DLGAP1: variants seen among roughly 807,000 people sequenced by gnomAD.
DLGAP1 encodes disks large-associated protein 1.
DLGAP1 carries 11 observed loss-of-function variants against 90.8 expected under a neutral mutation model. The ratio of observed to expected loss-of-function variants is 0.12; its 90% confidence interval spans 0.08 to 0.20. The LOEUF (loss-of-function observed/expected upper bound fraction) is 0.20, where lower values mean the gene tolerates loss of function less well. DLGAP1 is among the 10% of genes least tolerant of loss of function. The pLI is 1.00. For missense variants in DLGAP1, 1,050 were observed against 1,333.8 expected (o/e 0.79, Z 3.31); for synonymous variants, 558 against 540.7 (o/e 1.03, Z -0.44).
intron 7 of DLGAP1, among the ~76,000 whole-genome samples, chr18:3,609,594 G>A (rs1238907755): frequency 6.6e-6 from 1 of 152,166 alleles, no homozygotes; most frequent in African/African-American, 2.4e-5. Context: ...TTCCTCATCT[G>A]TTGAGTTAGG....
At chr18:4,293,486 A>T (rs1282475668) in intron 1 of DLGAP1, 1 of 152,230 alleles carries the variant, frequency 6.6e-6, no homozygotes, top group Non-Finnish European at 1.5e-5. Context: ...AATCATGTAA[A>T]AGCAGAACTT....
At chr18:4,301,334 C>T (rs1224676096) in intron 1 of DLGAP1, among the ~76,000 whole-genome samples, 1 of 152,154 alleles carries the variant, frequency 6.6e-6, no homozygotes, top group African/African-American at 2.4e-5. Context: ...CCACTCTCTA[C>T]TTCTGTAAGT....
intron 1 of DLGAP1, among the ~76,000 whole-genome samples, chr18:4,290,472 G>A (rs931133004): frequency 3.9e-5 from 6 of 152,200 alleles, no homozygotes; most frequent in Admixed American, 3.9e-4. Flanking sequence ...ATGTGGCGAT[G>A]AAAGGTAACG....
chr18:4,424,191 C>T (rs1262015838), intron 1 of DLGAP1, among the ~76,000 whole-genome samples: 1 of 151,930 alleles, frequency 6.6e-6, no homozygotes, highest in East Asian at 1.9e-4. Flanking sequence ...AAGTATAGGG[C>T]AAAGAATATG....
At chr18:4,147,667 T>C (rs1191147320) in intron 2 of DLGAP1, among the ~76,000 whole-genome samples, 2 of 152,102 alleles carry the variant, frequency 1.3e-5, no homozygotes, top group East Asian at 3.9e-4. Flanking sequence ...GTTTCCAAAG[T>C]CTGTGACACA....
chr18:3,651,603 G>A (rs1284738172), intron 7 of DLGAP1, among the ~76,000 whole-genome samples: 1 of 152,024 alleles, frequency 6.6e-6, no homozygotes. Flanking sequence ...GACCAGCCTG[G>A]CCAACAAGGC....
chr18:3,548,628 G>T (rs530452675), intron 9 of DLGAP1, among the ~76,000 whole-genome samples: 2 of 152,242 alleles, frequency 1.3e-5, no homozygotes, highest in South Asian at 4.1e-4. Context: ...TTAGCTGGGC[G>T]TGGTGGTACA....
chr18:3,956,374 G>A (rs901883801), intron 3 of DLGAP1, among the ~76,000 whole-genome samples: 4 of 152,042 alleles, frequency 2.6e-5, no homozygotes, highest in African/African-American at 9.7e-5. Flanking sequence ...TTTTGAGACG[G>A]AGTCTCGCTC....
At chr18:3,847,206 T>C (rs1168259159) in intron 4 of DLGAP1, among the ~76,000 whole-genome samples, 2 of 152,174 alleles carry the variant, frequency 1.3e-5, no homozygotes, top group African/African-American at 2.4e-5. Flanking sequence ...AAAAAAGAGA[T>C]GTTATAAAAT....
Position 3,775,535 on chromosome 18 carries a change from C to T in DLGAP1, c.1173-33023G>A, listed in dbSNP as rs1272200843. Among the ~76,000 whole-genome samples, 8 of 152,190 alleles carry T rather than the reference C, an allele frequency of 5.3e-5. No individual in the cohort carries two copies. The highest frequency in any genetic ancestry group is 3.8e-4 in the East Asian group (2 of 5,196). ...AAGTTTCCCGAGGCCTCACCAAGCA[C>T]GCTTCCTGTACAGCCTGTGAAACCC... On this transcript the variant is annotated intron_variant, in intron 5 of 12. Transcript: ENST00000315677. This position sits in a 1 kb window ranked among gnomAD's most constrained non-coding sequence, Gnocchi z 4.9.
chr18:4,084,938 G>A lies in DLGAP1; in HGVS notation c.-159+66242C>T, dbSNP rs944464226. Among the ~76,000 whole-genome samples the A allele has an allele frequency of 7.4e-6, 1 of 135,190 alleles. No individual in the cohort carries two copies. The highest frequency in any genetic ancestry group is 1.6e-5 in the Non-Finnish European group (1 of 61,496). The allele number at this position is 135,190 out of a possible 152,430, so 88.7% of individuals were successfully genotyped here. ...TATGATTGACTCTAAATCAAAGAGA[G>A]CATGCTGCAAGGAGCAGGCATCGTC... On this transcript the variant is annotated intron_variant, in intron 2 of 12. Transcript: ENST00000315677. The surrounding 1 kb of genome is among the most constrained non-coding windows in gnomAD (Gnocchi z 4.0).
At chr18:4,086,158 T>C (rs909026131) in intron 2 of DLGAP1, among the ~76,000 whole-genome samples, 2 of 152,122 alleles carry the variant, frequency 1.3e-5, no homozygotes, top group African/African-American at 4.8e-5. Context: ...GATAAGCATG[T>C]GGTAGGACGG....
chr18:3,679,740 A>T (rs1463411524), intron 7 of DLGAP1: 3 of 151,838 alleles, frequency 2.0e-5, no homozygotes, highest in Non-Finnish European at 4.4e-5. Context: ...GGAGTTTGAG[A>T]CCAGACTGGG....
chr18:3,956,532 T>C (rs896352226), intron 3 of DLGAP1, among the ~76,000 whole-genome samples: 1 of 152,104 alleles, frequency 6.6e-6, no homozygotes, highest in East Asian at 1.9e-4. Flanking sequence ...GTATTTTTAG[T>C]AGAGATGGGT....
chr18:4,281,475 A>G (rs971100226), intron 1 of DLGAP1, among the ~76,000 whole-genome samples: 5 of 152,110 alleles, frequency 3.3e-5, no homozygotes, highest in African/African-American at 1.2e-4. Context: ...AATTGCCTAA[A>G]CCCAGGAGGC....
intron 1 of DLGAP1, among the ~76,000 whole-genome samples, chr18:4,358,196 T>C (rs1257022836): frequency 6.6e-6 from 1 of 152,200 alleles, no homozygotes; most frequent in Non-Finnish European, 1.5e-5. Context: ...AAGCAAATAA[T>C]ATACATGCAA....
chr18:4,132,991 T>A (rs928233903), intron 2 of DLGAP1, among the ~76,000 whole-genome samples: 22 of 152,304 alleles, frequency 1.4e-4, no homozygotes, highest in African/African-American at 5.3e-4. Context: ...GCAAGTCACA[T>A]CAACTCTGTG....
At position 3,729,696 on chromosome 18, in the gene DLGAP1, A is replaced by G. The variant is rs1234589901; in HGVS notation, c.1351-321T>C. Among the ~76,000 whole-genome samples the G allele has an allele frequency of 1.3e-5, 2 of 152,128 alleles. No homozygotes were observed. The highest frequency in any genetic ancestry group is 2.9e-5 in the Non-Finnish European group (2 of 68,012). On this transcript the variant is annotated intron_variant, in intron 6 of 12. Coordinates refer to ENST00000315677, the MANE Select transcript of DLGAP1 (RefSeq NM_004746.4). The surrounding 1 kb of genome is among the most constrained non-coding windows in gnomAD (Gnocchi z 6.2). Reference sequence around the variant, plus strand: ...AGTGCTGGGATTACAGGCATGAGCTACCACCACCAGCCGTGATTACATTTT... The same window carrying G: ...AGTGCTGGGATTACAGGCATGAGCTGCCACCACCAGCCGTGATTACATTTT...
intron 1 of DLGAP1, among the ~76,000 whole-genome samples, chr18:4,162,254 T>C (rs2076859149): frequency 6.6e-6 from 1 of 152,140 alleles, no homozygotes; most frequent in Admixed American, 6.5e-5. Context: ...GTTTTGTGCA[T>C]ATACTCAAAA....
Sources: gnomAD v4.1 joint callset for allele counts (sites outside exome capture counted in the v4.1 genomes callset) on GRCh38, gnomAD v4.1.1 for gene constraint, Gnocchi (gnomAD v3.1) non-coding constraint, MANE v1.5 for transcripts, NCBI Gene and HGNC (gene_info 2026-07-23, HGNC 2026-07-21) for gene names.